CFAP77: variants seen among roughly 807,000 people sequenced by gnomAD.
The protein encoded by CFAP77 is cilia- and flagella-associated protein 77.
A neutral mutation model predicts 31.1 loss-of-function variants in CFAP77; 25 were observed. The observed-to-expected ratio is 0.80, with a 90% CI of 0.59 to 1.12. The LOEUF (loss-of-function observed/expected upper bound fraction) is 1.12. Ranked by LOEUF, CFAP77 falls within the 50% of genes most tolerant of loss-of-function variation. The pLI is 0.00. For synonymous variants in CFAP77, 151 were observed against 159.9 expected (o/e 0.94, Z 0.42); for missense variants, 377 against 397.3 (o/e 0.95, Z 0.44).
chr9:132,506,071 G>C (rs995147160), intron 3 of CFAP77, among the ~76,000 whole-genome samples: 1 of 152,212 alleles, frequency 6.6e-6, no homozygotes, highest in Non-Finnish European at 1.5e-5. Context: ...TCCCCGAGGC[G>C]TTACGGTGCA....
At chr9:132,532,534 T>C (rs1852471182) in intron 3 of CFAP77, among the ~76,000 whole-genome samples, 1 of 152,028 alleles carries the variant, frequency 6.6e-6, no homozygotes, top group Non-Finnish European at 1.5e-5. Flanking sequence ...ATGGAAAAAA[T>C]TTTAAGTGTT....
At chr9:132,459,673 T>A (rs888995417) in intron 1 of CFAP77, among the ~76,000 whole-genome samples, 1 of 151,820 alleles carries the variant, frequency 6.6e-6, no homozygotes, top group Non-Finnish European at 1.5e-5. Context: ...TGTGTGCATA[T>A]TTATGTGTAT....
intron 1 of CFAP77, among the ~76,000 whole-genome samples, chr9:132,436,234 T>C (rs1850501291): frequency 6.6e-6 from 1 of 152,176 alleles, no homozygotes; most frequent in Admixed American, 6.5e-5. Context: ...TCTCCCAGTT[T>C]CTAGTGGCTC....
chr9:132,526,484 G>A (rs1473573673), intron 3 of CFAP77, among the ~76,000 whole-genome samples: 1 of 151,792 alleles, frequency 6.6e-6, no homozygotes, highest in Admixed American at 6.6e-5. Flanking sequence ...CGTCCGCCTC[G>A]GCCTCCCAAA....
chr9:132,497,067 A>G lies in CFAP77; in HGVS notation c.196-1628A>G, dbSNP rs1464651614. Among the ~76,000 whole-genome samples, 1 of 151,938 alleles carries G rather than the reference A, an allele frequency of 6.6e-6. No individual in the cohort carries two copies. Among genetic ancestry groups the G allele is most frequent in the Non-Finnish European group, 1.5e-5 (1 of 68,012 alleles). ...TAAGGACCAGTAAGGGTGGGCCTTG[A>G]GCAAAGAGCAATGGAGGTGGCTGGG... On this transcript the variant is annotated intron_variant, in intron 1 of 5. Transcript: ENST00000393216. The surrounding 1 kb of genome is among the most constrained non-coding windows in gnomAD (Gnocchi z 4.9).
chr9:132,430,969 T>C (rs1325636548), intron 1 of CFAP77, among the ~76,000 whole-genome samples: 2 of 152,196 alleles, frequency 1.3e-5, no homozygotes, highest in African/African-American at 4.8e-5. Flanking sequence ...CTGCACAGCA[T>C]GTCTACAGTT....
chr9:132,513,088 A>ATACT (rs1852070027), intron 3 of CFAP77, among the ~76,000 whole-genome samples: 2 of 152,154 alleles, frequency 1.3e-5, no homozygotes, highest in Admixed American at 1.3e-4. Flanking sequence ...GGATGTTTCG[A>ATACT]TACTGGCATG....
In CFAP77 at chr9:132,411,083, C is replaced by A. The variant is rs368740611; in HGVS notation, c.195+617C>A. On this transcript the variant is annotated intron_variant, in intron 1 of 5. Coordinates refer to ENST00000393216, the MANE Select transcript of CFAP77 (RefSeq NM_001282957.2). ...CTGCGGTTTCGGGCTGGATCACTTT[C>A]CCTTCCATTACACTTCCCTCCTCCC... Among the ~76,000 whole-genome samples, 8 of 152,248 alleles carry A rather than the reference C, an allele frequency of 5.3e-5. No homozygotes were observed. In the South Asian group the frequency reaches 6.2e-4, roughly 12 times the overall value.
chr9:132,469,207 G>A (rs1851210649), intron 1 of CFAP77, among the ~76,000 whole-genome samples: 1 of 152,112 alleles, frequency 6.6e-6, no homozygotes, highest in African/African-American at 2.4e-5. Flanking sequence ...CCATGAGAAG[G>A]GCTGGAGGAC....
chr9:132,548,389 A>T (rs1327451651), intron 5 of CFAP77, among the ~76,000 whole-genome samples: 1 of 151,958 alleles, frequency 6.6e-6, no homozygotes, highest in Non-Finnish European at 1.5e-5. Flanking sequence ...CTATTTTTTT[A>T]AATGTTTTTA....
rs1057082704 is a variant in CFAP77 at position 132,481,205 on chromosome 9, G to A, written c.196-17490G>A. Among the ~76,000 whole-genome samples, 8 of 152,038 alleles carry A rather than the reference G, an allele frequency of 5.3e-5. No homozygotes were observed. The highest frequency in any genetic ancestry group is 1.9e-4 in the African/African-American group (8 of 41,396). On this transcript the variant is annotated intron_variant, in intron 1 of 5. Transcript: ENST00000393216. The surrounding 1 kb of genome is among the most constrained non-coding windows in gnomAD (Gnocchi z 5.0). ...TACTGCTGCCCTTGGGAGCTCTCTG[G>A]GCCCAAGACTCCCTGCCGCGCTGCT...
At position 132,509,397 on chromosome 9, in the gene CFAP77, G is replaced by A. The variant is rs192387549; in HGVS notation, c.524+9797G>A. Among the ~76,000 whole-genome samples the A allele has an allele frequency of 6.0e-3, 919 of 152,282 alleles. 15 individuals are homozygous for A. The highest frequency in any genetic ancestry group is 4.7e-3 in the Non-Finnish European group (317 of 68,014). Reference sequence around the variant, plus strand: ...TTTGGGAGCCCCCTGAACTGAGTCCGACAGGGGTCCCCTGCTCCTCAAGGC... The same window carrying A: ...TTTGGGAGCCCCCTGAACTGAGTCCAACAGGGGTCCCCTGCTCCTCAAGGC... On this transcript the variant is annotated intron_variant, in intron 3 of 5. Coordinates refer to ENST00000393216, the MANE Select transcript of CFAP77 (RefSeq NM_001282957.2).
intron 4 of CFAP77, among the ~76,000 whole-genome samples, chr9:132,541,615 T>C (rs1046850043): frequency 6.6e-6 from 1 of 152,122 alleles, no homozygotes; most frequent in East Asian, 1.9e-4. Flanking sequence ...TCCCAGCTAC[T>C]TGGGAGGCTG....
At chr9:132,492,561 G>A (rs1851668752) in intron 1 of CFAP77, among the ~76,000 whole-genome samples, 1 of 152,236 alleles carries the variant, frequency 6.6e-6, no homozygotes, top group Non-Finnish European at 1.5e-5. Context: ...TCAGATGTGG[G>A]TTCAGACCCA....
At chr9:132,563,007 GTTTTTTTGGC>G (rs1343403173) in intron 5 of CFAP77, among the ~76,000 whole-genome samples, 1 of 150,954 alleles carries the variant, frequency 6.6e-6, no homozygotes, top group Non-Finnish European at 1.5e-5. Flanking sequence ...CGCAATTGGG[GTTTTTTTGGC>G]TTTTTTTGGT....
Position 132,559,970 on chromosome 9 carries a change from A to C in CFAP77, c.733-12418A>C, listed in dbSNP as rs61542146. ...TAATTCCATTTATATGAAGAGTCCA[A>C]AATAGGGAAAGCCACACCAACAGGA... On this transcript the variant is annotated intron_variant, in intron 5 of 5. Coordinates refer to ENST00000393216, the MANE Select transcript of CFAP77 (RefSeq NM_001282957.2). 9.1e-3 allele frequency among the ~76,000 whole-genome samples: 1,381 copies of C among 152,300 alleles called. 13 individuals are homozygous for C. The highest frequency in any genetic ancestry group is 0.03 in the African/African-American group (1,245 of 41,546).
intron 3 of CFAP77, among the ~76,000 whole-genome samples, chr9:132,508,904 C>A (rs1380585914): frequency 6.6e-6 from 1 of 152,196 alleles, no homozygotes; most frequent in Non-Finnish European, 1.5e-5. Context: ...AGCCGAGTCT[C>A]CCTCCAGGGC....
At chr9:132,414,867 T>C in intron 1 of CFAP77, among the ~76,000 whole-genome samples, 1 of 152,134 alleles carries the variant, frequency 6.6e-6, no homozygotes, top group Middle Eastern at 3.2e-3. Context: ...AATTGGATGC[T>C]CTACAAAATT....
chr9:132,497,942 G>A lies in CFAP77; in HGVS notation c.196-753G>A, dbSNP rs529553654. Among the ~76,000 whole-genome samples the A allele has an allele frequency of 1.4e-3, 212 of 152,242 alleles. 1 individual carries two copies. The highest frequency in any genetic ancestry group is 0.013 in the Admixed American group (201 of 15,304). On this transcript the variant is annotated intron_variant, in intron 1 of 5. Transcript: ENST00000393216. The surrounding 1 kb of genome is among the most constrained non-coding windows in gnomAD (Gnocchi z 4.9). ...GAGCGCCAGTCAAGAGGACAGGCAC[G>A]CCTCCATGCGATGCCCTGCCCAGCG...
Sources: gnomAD v4.1 joint callset for allele counts (sites outside exome capture counted in the v4.1 genomes callset) on GRCh38, gnomAD v4.1.1 for gene constraint, Gnocchi (gnomAD v3.1) non-coding constraint, MANE v1.5 for transcripts, NCBI Gene and HGNC (gene_info 2026-07-23, HGNC 2026-07-21) for gene names.